The following SLC25A21 variants were observed in gnomAD, a reference collection of about 807,000 sequenced individuals.
The protein encoded by SLC25A21 is solute carrier family 25 member 21.
In SLC25A21, 47 loss-of-function variants were observed where a neutral mutation model predicts 43.8. That is an observed-to-expected ratio of 1.07 (90% CI 0.85 to 1.37). The LOEUF is 1.37. SLC25A21 is among the 40% of genes most tolerant of loss of function. The pLI is 0.00. For missense variants in SLC25A21, 352 were observed against 350.2 expected, an observed-to-expected ratio of 1.00 and a Z score of -0.04; for synonymous variants, 131 against 121.3, an observed-to-expected ratio of 1.08 and a Z score of -0.52.
At chr14:37,016,116 C>A (rs1401834490) in intron 1 of SLC25A21, among the ~76,000 whole-genome samples, 1 of 152,032 alleles carries the variant, frequency 6.6e-6, no homozygotes, top group Non-Finnish European at 1.5e-5. Flanking sequence ...AAGTCCTTGC[C>A]CATGCCTATG....
chr14:37,056,830 T>C (rs146906953), intron 1 of SLC25A21, among the ~76,000 whole-genome samples: 6 of 152,302 alleles, frequency 3.9e-5, no homozygotes, highest in Non-Finnish European at 7.4e-5. Context: ...CTTTCTCCCA[T>C]ACAGACTTCC....
At chr14:36,811,818 T>C (rs1888278758) in intron 3 of SLC25A21, among the ~76,000 whole-genome samples, 1 of 152,220 alleles carries the variant, frequency 6.6e-6, no homozygotes, top group Admixed American at 6.5e-5. Context: ...TCAGCTGGAT[T>C]AAAAATTGTA....
At chr14:36,856,364 G>A (rs966132993) in intron 2 of SLC25A21, among the ~76,000 whole-genome samples, 2 of 152,164 alleles carry the variant, frequency 1.3e-5, no homozygotes, top group African/African-American at 4.8e-5. Context: ...TTCCAAAGCG[G>A]TCAGGCCAGT....
intron 3 of SLC25A21, among the ~76,000 whole-genome samples, chr14:36,735,625 G>C (rs1157017522): frequency 1.3e-5 from 2 of 152,044 alleles, no homozygotes; most frequent in African/African-American, 4.8e-5. Flanking sequence ...TGAACCCACT[G>C]TACCACCCAA....
At chr14:36,901,270 A>G (rs1342877666) in intron 1 of SLC25A21, among the ~76,000 whole-genome samples, 1 of 152,186 alleles carries the variant, frequency 6.6e-6, no homozygotes, top group Non-Finnish European at 1.5e-5. Flanking sequence ...CTTTTTATAT[A>G]ATCCAAAGGA....
intron 1 of SLC25A21, among the ~76,000 whole-genome samples, chr14:37,052,650 T>TC (rs11341640): frequency 6.6e-6 from 1 of 151,530 alleles, no homozygotes; most frequent in East Asian, 1.9e-4. Flanking sequence ...ACTTTTTTTT[T>TC]CCCCCCGAGA....
At chr14:36,942,358 C>G (rs1475430679) in intron 1 of SLC25A21, among the ~76,000 whole-genome samples, 2 of 152,162 alleles carry the variant, frequency 1.3e-5, no homozygotes, top group African/African-American at 4.8e-5. Flanking sequence ...GGAAGCTTCG[C>G]TGAACTATCT....
At chr14:37,142,373 T>C (rs1295299075) in intron 1 of SLC25A21, among the ~76,000 whole-genome samples, 1 of 152,156 alleles carries the variant, frequency 6.6e-6, no homozygotes, top group Admixed American at 6.5e-5. Flanking sequence ...ATTATATTCC[T>C]TTTTGGAGAC....
chr14:37,110,434 AAC>A (rs1025140122), intron 1 of SLC25A21, among the ~76,000 whole-genome samples: 6 of 152,216 alleles, frequency 3.9e-5, no homozygotes, highest in African/African-American at 7.2e-5. Context: ...AAATATAGAA[AAC>A]ACAGCCTCTT....
intron 2 of SLC25A21, among the ~76,000 whole-genome samples, chr14:36,857,814 C>T (rs528900853): frequency 5.9e-5 from 9 of 152,298 alleles, no homozygotes; most frequent in African/African-American, 1.4e-4. Context: ...TGAAGATGGG[C>T]GGGCCACAGC....
At chr14:37,161,398 A>G (rs1050700724) in intron 1 of SLC25A21, among the ~76,000 whole-genome samples, 15 of 152,190 alleles carry the variant, frequency 9.9e-5, no homozygotes, top group African/African-American at 2.7e-4. Flanking sequence ...TGACCATGAA[A>G]AGAGGAACAC....
chr14:36,719,478 C>T (rs1317456077), intron 6 of SLC25A21, among the ~76,000 whole-genome samples: 1 of 152,176 alleles, frequency 6.6e-6, no homozygotes, highest in Non-Finnish European at 1.5e-5. Context: ...TGTTTTTACA[C>T]CCAGTGAACC....
rs190399397 is a variant in SLC25A21 at position 36,960,043 on chromosome 14, A to G, written c.71-85039T>C. Among the ~76,000 whole-genome samples the G allele has an allele frequency of 1.0e-3, 156 of 152,296 alleles. 3 individuals carry two copies. The East Asian group carries it at 0.026, about 25-fold the overall frequency. Reference sequence around the variant, plus strand: ...GGACTGTTCCCCATAAAATGAGATGAGGTGGGCATGAAACCCACAAAAGCC... The same window carrying G: ...GGACTGTTCCCCATAAAATGAGATGGGGTGGGCATGAAACCCACAAAAGCC... On this transcript the variant is annotated intron_variant, in intron 1 of 9. Transcript: ENST00000331299.
chr14:36,917,266 G>A (rs1034078816), intron 1 of SLC25A21, among the ~76,000 whole-genome samples: 5 of 151,866 alleles, frequency 3.3e-5, no homozygotes, highest in African/African-American at 1.2e-4. Context: ...CCCTACCCTG[G>A]CCTCTTTCTC....
chr14:37,150,276 A>G (rs1463655279), intron 1 of SLC25A21, among the ~76,000 whole-genome samples: 1 of 152,160 alleles, frequency 6.6e-6, no homozygotes, highest in African/African-American at 2.4e-5. Context: ...GGTAATCTCT[A>G]AGATCTACAA....
chr14:37,115,188 G>T (rs1181670500), intron 1 of SLC25A21, among the ~76,000 whole-genome samples: 1 of 152,112 alleles, frequency 6.6e-6, no homozygotes, highest in Non-Finnish European at 1.5e-5. Flanking sequence ...TACAAGCCTG[G>T]CTAAGAAAGG....
intron 1 of SLC25A21, among the ~76,000 whole-genome samples, chr14:36,944,333 G>A (rs935178355): frequency 1.3e-5 from 2 of 152,176 alleles, no homozygotes. Flanking sequence ...AAATTGTTAT[G>A]GGAGTCCAGA....
chr14:37,102,229 T>C (rs1962829671), intron 1 of SLC25A21, among the ~76,000 whole-genome samples: 1 of 152,044 alleles, frequency 6.6e-6, no homozygotes, highest in African/African-American at 2.4e-5. Context: ...TCACTTGAAG[T>C]CAGGAGTTCA....
At chr14:37,128,788 C>G (rs977214103) in intron 1 of SLC25A21, among the ~76,000 whole-genome samples, 3 of 151,850 alleles carry the variant, frequency 2.0e-5, no homozygotes, top group African/African-American at 7.3e-5. Context: ...GGGGTTTCGC[C>G]ATGTTGCCCA....
Sources: gnomAD v4.1 joint callset for allele counts (sites outside exome capture counted in the v4.1 genomes callset) on GRCh38, gnomAD v4.1.1 for gene constraint, MANE v1.5 for transcripts, NCBI Gene and HGNC (gene_info 2026-07-23, HGNC 2026-07-21) for gene names.